The following VPS37A variants were observed in gnomAD, a reference collection of about 807,000 sequenced individuals.
VPS37A encodes the protein vacuolar protein sorting-associated protein 37A.
A neutral mutation model predicts 49.8 loss-of-function variants in VPS37A; 30 were observed. That is an observed-to-expected ratio of 0.60 (90% CI 0.45 to 0.82). The LOEUF (loss-of-function observed/expected upper bound fraction) is 0.82. VPS37A is among the 40% of genes least tolerant of loss of function. The pLI is 0.00. For missense variants in VPS37A, 593 were observed against 464.4 expected, an observed-to-expected ratio of 1.28 and a Z score of -2.55; for synonymous variants, 195 against 160.6, an observed-to-expected ratio of 1.21 and a Z score of -1.62.
At chr8:17,282,368 G>A (rs766670681) in intron 9 of VPS37A, among the ~76,000 whole-genome samples, 1 of 152,032 alleles carries the variant, frequency 6.6e-6, no homozygotes, top group African/African-American at 2.4e-5. Context: ...CAGATAAACT[G>A]CTTCAGCGGA....
At chr8:17,325,138 C>A in the VPS37A span, among the ~76,000 whole-genome samples, 1 of 151,926 alleles carries the variant, frequency 6.6e-6, no homozygotes, top group African/African-American at 2.4e-5. Context: ...CAGCCACAGC[C>A]TCTCCTCTCC....
chr8:17,293,629 G>A (rs1190879792), intron 11 of VPS37A, among the ~76,000 whole-genome samples: 5 of 152,082 alleles, frequency 3.3e-5, no homozygotes, highest in East Asian at 3.9e-4. Flanking sequence ...GGTGACCTTC[G>A]GATGGAATTT....
chr8:17,279,215 T>A (rs1187095945), intron 6 of VPS37A, among the ~76,000 whole-genome samples: 1 of 152,128 alleles, frequency 6.6e-6, no homozygotes, highest in Non-Finnish European at 1.5e-5. Context: ...CATTATACAC[T>A]AGCAGAGACT....
chr8:17,255,024 CTT>C (rs35579886), intron 1 of VPS37A, among the ~76,000 whole-genome samples: 5,405 of 152,272 alleles, frequency 0.035, 151 homozygotes, highest in Non-Finnish European at 0.051. Context: ...TTTTTAGTAA[CTT>C]GAGTTTCTCA....
At chr8:17,279,022 C>G (rs1814783156) in intron 6 of VPS37A, among the ~76,000 whole-genome samples, 1 of 152,074 alleles carries the variant, frequency 6.6e-6, no homozygotes, top group Non-Finnish European at 1.5e-5. Context: ...TTTAGCCCTC[C>G]ATTATTTCTT....
chr8:17,323,433 G>T, the VPS37A span, among the ~76,000 whole-genome samples: 2 of 152,084 alleles, frequency 1.3e-5, no homozygotes, highest in Non-Finnish European at 1.5e-5. Context: ...TGAAGGTAGG[G>T]TTTAAGGGAT....
At chr8:17,280,575 T>G in intron 9 of VPS37A, 132 bp downstream of exon 9, 1 of 749,940 alleles carries the variant, frequency 1.3e-6, no homozygotes, top group Non-Finnish European at 2.1e-6. Flanking sequence ...ATGATACCTT[T>G]AAACGTGGAT....
the VPS37A span, among the ~76,000 whole-genome samples, chr8:17,311,205 A>G: frequency 6.6e-6 from 1 of 152,250 alleles, no homozygotes; most frequent in Non-Finnish European, 1.5e-5. Flanking sequence ...TGAAATACTT[A>G]TGAGCAAATG....
chr8:17,257,041 A>G (rs907224256), intron 1 of VPS37A, among the ~76,000 whole-genome samples: 1 of 152,208 alleles, frequency 6.6e-6, no homozygotes, highest in African/African-American at 2.4e-5. Context: ...GTTTTCTTCT[A>G]GTAGTTCCAT....
At chr8:17,284,878 G>C (rs1586052358) in intron 10 of VPS37A, among the ~76,000 whole-genome samples, 1 of 152,092 alleles carries the variant, frequency 6.6e-6, no homozygotes, top group East Asian at 1.9e-4. Flanking sequence ...GGGACCCCAG[G>C]GGGGCAACTG....
intron 6 of VPS37A, among the ~76,000 whole-genome samples, chr8:17,277,909 T>G (rs1455927947): frequency 6.8e-6 from 1 of 146,728 alleles, no homozygotes; most frequent in African/African-American, 2.5e-5. Flanking sequence ...CACAGACATA[T>G]ACATATGTGT....
In VPS37A at chr8:17,274,849, C is replaced by T; in HGVS notation, c.533C>T (p.Thr178Ile). 4 of 1,614,156 alleles carry T rather than the reference C, an allele frequency of 2.5e-6. No homozygotes were observed. The highest frequency in any genetic ancestry group is 3.4e-6 in the Non-Finnish European group (4 of 1,180,010). Reference sequence around the variant, plus strand: ...ATCACTTCTTTATCTGTTGCTGACACTGTTTCTTCTTCAACAACAAGTCAT... The same window carrying T: ...ATCACTTCTTTATCTGTTGCTGACATTGTTTCTTCTTCAACAACAAGTCAT... ...RSITSLSVAD[T>I]VSSSTTSHTT... Residue 178 changes from threonine (T) to isoleucine (I), a missense_variant, in exon 5 of 12, where the codon ACT (threonine) becomes ATT (isoleucine). Physicochemically the swap from Thr to Ile is moderately conservative, Grantham distance 89. Transcript: ENST00000324849.
At chr8:17,257,614 A>G (rs1343378612) in intron 1 of VPS37A, among the ~76,000 whole-genome samples, 2 of 152,082 alleles carry the variant, frequency 1.3e-5, no homozygotes, top group African/African-American at 4.8e-5. Flanking sequence ...CTGCACATGT[A>G]CTCCAGAACC....
At chr8:17,300,341 C>G, downstream of VPS37A, 2 of 1,152,830 alleles carry the variant, frequency 1.7e-6, no homozygotes, top group Admixed American at 5.7e-5. Flanking sequence ...GAACATGTGA[C>G]TCAGAGGGAT....
At chr8:17,272,819 A>G (rs1396395619) in intron 4 of VPS37A, among the ~76,000 whole-genome samples, 1 of 149,114 alleles carries the variant, frequency 6.7e-6, no homozygotes, top group Non-Finnish European at 1.5e-5. Flanking sequence ...CAAAATTCAA[A>G]AAGTATAAAG....
At chr8:17,273,672 T>G (rs1172022389) in intron 4 of VPS37A, among the ~76,000 whole-genome samples, 1 of 152,182 alleles carries the variant, frequency 6.6e-6, no homozygotes, top group Non-Finnish European at 1.5e-5. Context: ...TAATTTGTTT[T>G]GCTTTATCAA....
At chr8:17,300,136 G>A, downstream of VPS37A, 2 of 1,614,086 alleles carry the variant, frequency 1.2e-6, no homozygotes, top group Non-Finnish European at 8.5e-7. Flanking sequence ...GTTGTCTGAG[G>A]TAGAAAACCC....
downstream of VPS37A, among the ~76,000 whole-genome samples, chr8:17,303,683 C>T (rs530794955): frequency 1.3e-5 from 2 of 151,664 alleles, no homozygotes; most frequent in South Asian, 4.2e-4. Flanking sequence ...GATCTCGGCT[C>T]ACCGCAACCT....
Position 17,247,050 on chromosome 8 carries a change from C to T in VPS37A, c.-195C>T. The T allele has an allele frequency of 7.1e-6, 5 of 699,446 alleles. No homozygotes were observed. Among genetic ancestry groups the T allele is most frequent in the Non-Finnish European group, 1.2e-5 (5 of 429,430 alleles). 43.3% of individuals were successfully genotyped at this position (699,446 alleles called of 1,614,324 possible). A position where few individuals can be genotyped will look rare whatever the true frequency, so the allele number is the denominator to read the frequency against. On this transcript the variant is annotated 5_prime_UTR_variant, in exon 1 of 12. Coordinates refer to ENST00000324849, the MANE Select transcript of VPS37A (RefSeq NM_152415.3). ...CCGGGCCGCAAGTTTCCCTCTCCAG[C>T]CGCCCGCCGTTCGTAGCATGTCCCC... is the stretch of plus-strand genomic sequence containing the variant.
Sources: gnomAD v4.1 joint callset for allele counts (sites outside exome capture counted in the v4.1 genomes callset) on GRCh38, gnomAD v4.1.1 for gene constraint, MANE v1.5 for transcripts, NCBI Gene and HGNC (gene_info 2026-07-23, HGNC 2026-07-21) for gene names.